Variants in NUCKS1 observed in about 807,000 individuals in gnomAD.
NUCKS1 encodes the protein nuclear casein kinase and cyclin dependent kinase substrate 1.
In NUCKS1, 2 loss-of-function variants were observed where a neutral mutation model predicts 33.0. That is an observed-to-expected ratio of 0.06 (90% CI 0.02 to 0.19). NUCKS1 has a LOEUF of 0.19. NUCKS1 is among the 10% of genes least tolerant of loss of function. The probability of loss-of-function intolerance (pLI) is 1.00; values close to 1 mark genes in which losing one functional copy is unlikely to be tolerated. For synonymous variants in NUCKS1, 106 were observed against 102.8 expected, an observed-to-expected ratio of 1.03 and a Z score of -0.19; for missense variants, 201 against 293.6, an observed-to-expected ratio of 0.68 and a Z score of 2.31.
intron 1 of NUCKS1, among the ~76,000 whole-genome samples, chr1:205,747,790 A>G (rs1654368009): frequency 6.6e-6 from 1 of 152,226 alleles, no homozygotes; most frequent in Non-Finnish European, 1.5e-5. Flanking sequence ...TAGATTCTTC[A>G]ATTATACTTT....
chr1:205,741,416 G>T (rs1654171577), intron 1 of NUCKS1, among the ~76,000 whole-genome samples: 2 of 152,014 alleles, frequency 1.3e-5, no homozygotes, highest in South Asian at 4.1e-4. Context: ...TTTCCCAGTG[G>T]AAGTTTAGTG....
chr1:205,723,610 G>A (rs747525649), intron 4 of NUCKS1, among the ~76,000 whole-genome samples: 4 of 151,802 alleles, frequency 2.6e-5, no homozygotes, highest in Non-Finnish European at 5.9e-5. Flanking sequence ...TTTTGTTTAC[G>A]TAAATGATTT....
rs535311662 is a variant in NUCKS1, at chr1:205,719,663, G to A, written c.396C>T (p.Ser132=). Residue 132 remains serine, a synonymous_variant, in exon 6 of 7, where the codon AGC becomes AGT. Coordinates refer to ENST00000367142, the MANE Select transcript of NUCKS1 (RefSeq NM_022731.5). ...CATCTTCCATTAGGAAATCTTCATC[G>A]CTGCCGGAATCTTCTGAGAAGAAAG... ...EAPFQEKDSG[S]DEDFLMEDDD... 107 of 1,607,904 alleles carry A rather than the reference G, an allele frequency of 6.7e-5. No individual in the cohort carries two copies. In the South Asian group the frequency reaches 1.0e-3, roughly 16 times the overall value.
At chr1:205,741,855 GA>G (rs1412266344) in intron 1 of NUCKS1, among the ~76,000 whole-genome samples, 1 of 152,202 alleles carries the variant, frequency 6.6e-6, no homozygotes, top group Non-Finnish European at 1.5e-5. Context: ...CCAAAGCTCT[GA>G]AGTTGTAAAT....
intron 3 of NUCKS1, among the ~76,000 whole-genome samples, chr1:205,726,068 G>A (rs187567966): frequency 2.2e-4 from 33 of 152,142 alleles, no homozygotes; most frequent in African/African-American, 7.7e-4. Flanking sequence ...GTGTGGTGGT[G>A]GGTGCCCATA....
chr1:205,724,898 A>G (rs1385481824), intron 3 of NUCKS1, among the ~76,000 whole-genome samples: 2 of 152,058 alleles, frequency 1.3e-5, no homozygotes, highest in Admixed American at 6.6e-5. Flanking sequence ...GCTCAAAATC[A>G]CTCCACAAAG....
intron 3 of NUCKS1, among the ~76,000 whole-genome samples, chr1:205,725,393 T>G (rs1255031072): frequency 6.6e-6 from 1 of 152,184 alleles, no homozygotes; most frequent in Non-Finnish European, 1.5e-5. Context: ...CACACTCAAA[T>G]GAGAAATTAC....
Position 205,750,014 on chromosome 1 carries a change from C to CCGGGCGGGGGGGGGGGGGGGGGGGGGGG in NUCKS1, c.-42_-41insCCCCCCCCCCCCCCCCCCCCCCCGCCCG. ...AGGACCGAGTCGAGAAGCCAAAGAC[C>CCGGGCGGGGGGGGGGGGGGGGGGGGGGG]AGGACCCCCCCCACCCCGCGCGCTC... On this transcript the variant is annotated 5_prime_UTR_variant, in exon 1 of 7. Coordinates refer to ENST00000367142, the MANE Select transcript of NUCKS1 (RefSeq NM_022731.5). 6.4e-7 allele frequency: 1 copy of CCGGGCGGGGGGGGGGGGGGGGGGGGGGG among 1,568,956 alleles called. No homozygotes were observed. Among genetic ancestry groups the CCGGGCGGGGGGGGGGGGGGGGGGGGGGG allele is most frequent in the Non-Finnish European group, 8.7e-7 (1 of 1,154,226 alleles).
chr1:205,719,805 G>T, intron 5 of NUCKS1, 129 bp from the exon 6 acceptor site: 2 of 966,440 alleles, frequency 2.1e-6, no homozygotes, highest in Non-Finnish European at 1.5e-6. Context: ...TCTATTTGGA[G>T]CTGTACTACC....
chr1:205,747,529 T>C (rs780628656), intron 1 of NUCKS1, among the ~76,000 whole-genome samples: 2 of 152,192 alleles, frequency 1.3e-5, no homozygotes, highest in Non-Finnish European at 2.9e-5. Context: ...TAAGGTGCCA[T>C]AGGTACATTT....
intron 1 of NUCKS1, among the ~76,000 whole-genome samples, chr1:205,742,541 G>A (rs1256497904): frequency 2.0e-5 from 3 of 152,136 alleles, no homozygotes; most frequent in Non-Finnish European, 4.4e-5. Context: ...GTTTCCTCCT[G>A]GGGCCGGACG....
At chr1:205,724,698 C>G (rs539227731) in intron 3 of NUCKS1, among the ~76,000 whole-genome samples, 6 of 151,636 alleles carry the variant, frequency 4.0e-5, no homozygotes, top group Admixed American at 1.3e-4. Flanking sequence ...CATCCCCACC[C>G]CCCCCAAAAA....
intron 2 of NUCKS1, 72 bp from the exon 3 acceptor site, chr1:205,727,877 T>C: frequency 2.0e-6 from 2 of 990,802 alleles, no homozygotes; most frequent in Non-Finnish European, 3.1e-6. Context: ...TTTACTGACA[T>C]AATTATCTCT....
chr1:205,725,100 A>T (rs887030543), intron 3 of NUCKS1, among the ~76,000 whole-genome samples: 1 of 152,150 alleles, frequency 6.6e-6, no homozygotes, highest in East Asian at 1.9e-4. Context: ...CAGGCTGGTG[A>T]TGAACTCCTG....
intron 1 of NUCKS1, among the ~76,000 whole-genome samples, chr1:205,734,909 A>G (rs1352812765): frequency 2.0e-5 from 3 of 152,108 alleles, no homozygotes; most frequent in Non-Finnish European, 2.9e-5. Context: ...AAAAAATAAA[A>G]AAGTTTATTT....
In NUCKS1 at chr1:205,718,266, G is replaced by A; in HGVS notation, c.*14C>T. ...TTTTTTTTAATAAAATCTCTCCCCAGACCATCATCACTTTTAATCCTCCCC... is the reference window on the plus strand; with the variant it reads ...TTTTTTTTAATAAAATCTCTCCCCAAACCATCATCACTTTTAATCCTCCCC... On this transcript the variant is annotated 3_prime_UTR_variant, in exon 7 of 7. Coordinates refer to ENST00000367142, the MANE Select transcript of NUCKS1 (RefSeq NM_022731.5). 1.3e-6 allele frequency: 2 copies of A among 1,573,564 alleles called. No homozygotes were observed. The highest frequency in any genetic ancestry group is 8.6e-7 in the Non-Finnish European group (1 of 1,162,576).
Position 205,734,763 on chromosome 1 carries a change from C to T in NUCKS1, c.18-5142G>A, listed in dbSNP as rs544435888. Among the ~76,000 whole-genome samples the T allele has an allele frequency of 4.1e-3, 618 of 152,078 alleles. 1 individual carries two copies. Among genetic ancestry groups the T allele is most frequent in the Non-Finnish European group, 7.1e-3 (483 of 67,968 alleles). On this transcript the variant is annotated intron_variant, in intron 1 of 6. Coordinates refer to ENST00000367142, the MANE Select transcript of NUCKS1 (RefSeq NM_022731.5). ...ACAAAAAATTAGCCAGGCGTGGTGG[C>T]GGTCACCTGTAATCCCAGCTACTCG...
intron 1 of NUCKS1, among the ~76,000 whole-genome samples, chr1:205,746,189 T>A (rs970758444): frequency 6.6e-6 from 1 of 151,896 alleles, no homozygotes; most frequent in South Asian, 2.1e-4. Flanking sequence ...CCAGCTACTC[T>A]GAGGCTGAGG....
intron 5 of NUCKS1, 31 bp from the exon 6 acceptor site, chr1:205,719,707 CTT>C: frequency 6.2e-7 from 1 of 1,601,104 alleles, no homozygotes; most frequent in South Asian, 1.1e-5. Flanking sequence ...CAACATCTAA[CTT>C]AATGTACACA....
Sources: allele counts gnomAD v4.1 joint callset (sites outside exome capture counted in the v4.1 genomes callset), GRCh38; gene constraint gnomAD v4.1.1; transcripts MANE v1.5; gene names NCBI Gene and HGNC (gene_info 2026-07-23, HGNC 2026-07-21).